Variants in CYSTM1 observed in about 807,000 individuals in gnomAD.
CYSTM1 encodes the protein cysteine-rich transmembrane module-containing protein 1.
Under a neutral mutation model 13.1 loss-of-function variants are expected in CYSTM1, and 4 were observed. The ratio of observed to expected loss-of-function variants is 0.31; its 90% CI spans 0.15 to 0.70. The LOEUF is 0.70. Among genes scored for constraint, CYSTM1 ranks in the 30% least tolerant of loss-of-function variants. The probability of loss-of-function intolerance (pLI) is 0.72; values close to 1 mark genes in which losing one functional copy is unlikely to be tolerated. For synonymous variants in CYSTM1, 36 were observed against 42.7 expected (o/e 0.84, Z 0.62); for missense variants, 96 against 121.6 (o/e 0.79, Z 0.99).
intron 1 of CYSTM1, among the ~76,000 whole-genome samples, chr5:140,182,405 CAAG>C (rs1480685614): frequency 1.3e-5 from 2 of 152,128 alleles, no homozygotes; most frequent in African/African-American, 4.8e-5. Context: ...TAGGAGGTAA[CAAG>C]AGGTAAATGC....
At chr5:140,195,612 T>G (rs957266180) in intron 2 of CYSTM1, among the ~76,000 whole-genome samples, 6 of 151,688 alleles carry the variant, frequency 4.0e-5, no homozygotes, top group African/African-American at 1.4e-4. Flanking sequence ...CGGCTAATTT[T>G]TTGTATTTTT....
At chr5:140,203,697 A>G (rs1437174411) in intron 2 of CYSTM1, among the ~76,000 whole-genome samples, 31 of 152,328 alleles carry the variant, frequency 2.0e-4, no homozygotes, top group Non-Finnish European at 2.9e-5. Context: ...CATTTTAAGG[A>G]TACTCCTGTG....
chr5:140,205,066 C>CA (rs1764281294), intron 2 of CYSTM1, among the ~76,000 whole-genome samples: 1 of 152,196 alleles, frequency 6.6e-6, no homozygotes, highest in South Asian at 2.1e-4. Flanking sequence ...TCAAAAGCCT[C>CA]ATGGGCCTTT....
At position 140,177,063 on chromosome 5, in the gene CYSTM1, T is replaced by G. The variant is rs71592119; in HGVS notation, c.-21+1778T>G. 2.6e-4 allele frequency among the ~76,000 whole-genome samples: 27 copies of G among 104,638 alleles called. No homozygotes were observed. In the Admixed American group the frequency reaches 2.6e-3, roughly 10 times the overall value. 68.6% of individuals were successfully genotyped at this position (104,638 alleles called of 152,430 possible). A position where few individuals can be genotyped will look rare whatever the true frequency, so the allele number is the denominator to read the frequency against. On this transcript the variant is annotated intron_variant, in intron 1 of 2. Coordinates refer to ENST00000261811, the MANE Select transcript of CYSTM1 (RefSeq NM_032412.4). The stretch of plus-strand genomic sequence containing the variant: ...CAGCCTGGGCGACAGAGCGAGACTC[T>G]GTCTCAAAAAAAAAAAAAAAAAAAT...
intron 2 of CYSTM1, among the ~76,000 whole-genome samples, chr5:140,196,615 G>C (rs1156963800): frequency 6.6e-6 from 1 of 152,206 alleles, no homozygotes; most frequent in African/African-American, 2.4e-5. Flanking sequence ...TCGGAAGAGG[G>C]CAGGAAGTAT....
intron 2 of CYSTM1, among the ~76,000 whole-genome samples, chr5:140,205,624 C>G (rs577762718): frequency 6.6e-6 from 1 of 152,230 alleles, no homozygotes; most frequent in East Asian, 1.9e-4. Flanking sequence ...GCCTTCTTGT[C>G]TGTAGAGCTG....
At chr5:140,203,701 TC>T (rs1764257296) in intron 2 of CYSTM1, among the ~76,000 whole-genome samples, 1 of 152,226 alleles carries the variant, frequency 6.6e-6, no homozygotes, top group Non-Finnish European at 1.5e-5. Context: ...TTAAGGATAC[TC>T]CTGTGAATTG....
intron 1 of CYSTM1, among the ~76,000 whole-genome samples, chr5:140,177,931 A>G (rs1197874876): frequency 2.0e-5 from 3 of 152,212 alleles, no homozygotes; most frequent in Non-Finnish European, 2.9e-5. Flanking sequence ...CAAAATAACT[A>G]TGTGCTGTCA....
At chr5:140,226,562 TAA>T in intron 2 of CYSTM1, among the ~76,000 whole-genome samples, 1 of 110,720 alleles carries the variant, frequency 9.0e-6, no homozygotes, top group African/African-American at 3.5e-5. Context: ...ATATATAATA[TAA>T]ATATATATTA....
chr5:140,197,579 A>G (rs1764172839), intron 2 of CYSTM1, among the ~76,000 whole-genome samples: 1 of 152,216 alleles, frequency 6.6e-6, no homozygotes, highest in South Asian at 2.1e-4. Context: ...TCACTGAGTG[A>G]TGAACCCTTT....
At chr5:140,211,587 GT>G (rs1434042983) in intron 2 of CYSTM1, among the ~76,000 whole-genome samples, 1 of 152,164 alleles carries the variant, frequency 6.6e-6, no homozygotes. Context: ...CCATGCATGA[GT>G]AAAAATTGTT....
At chr5:140,215,670 G>A (rs1051111229) in intron 2 of CYSTM1, among the ~76,000 whole-genome samples, 1 of 152,020 alleles carries the variant, frequency 6.6e-6, no homozygotes, top group African/African-American at 2.4e-5. Flanking sequence ...TGGTATAAAT[G>A]TTGTGATATA....
intron 2 of CYSTM1, among the ~76,000 whole-genome samples, chr5:140,232,199 G>T (rs1289516935): frequency 1.3e-5 from 2 of 152,166 alleles, no homozygotes; most frequent in African/African-American, 4.8e-5. Flanking sequence ...GGTTGAGAGA[G>T]AGAACAAACT....
At chr5:140,218,635 T>C (rs1764457795) in intron 2 of CYSTM1, among the ~76,000 whole-genome samples, 1 of 152,234 alleles carries the variant, frequency 6.6e-6, no homozygotes. Flanking sequence ...TTTTGCCCTA[T>C]GTTCCTTGGT....
intron 2 of CYSTM1, among the ~76,000 whole-genome samples, chr5:140,236,911 C>T (rs1764686885): frequency 6.6e-6 from 1 of 152,228 alleles, no homozygotes; most frequent in African/African-American, 2.4e-5. Flanking sequence ...GTAACATGGT[C>T]TTTACTGGAA....
rs541805621 is a variant in CYSTM1, at chr5:140,176,675, T to C, written c.-21+1390T>C. Among the ~76,000 whole-genome samples, 24 of 152,260 alleles carry C rather than the reference T, an allele frequency of 1.6e-4. No individual in the cohort carries two copies. The East Asian group carries it at 1.7e-3, about 11-fold the overall frequency. ...CCCAAATGACTGGTAAGAGATTTAA[T>C]AGGGGGAAGTTATTAAAGGAGAACC... On this transcript the variant is annotated intron_variant, in intron 1 of 2. Coordinates refer to ENST00000261811, the MANE Select transcript of CYSTM1 (RefSeq NM_032412.4).
chr5:140,194,036 T>G (rs973196898), intron 1 of CYSTM1, among the ~76,000 whole-genome samples: 2 of 152,228 alleles, frequency 1.3e-5, no homozygotes, highest in African/African-American at 2.4e-5. Flanking sequence ...ATGAGACTCA[T>G]AGTGCTGTTA....
intron 2 of CYSTM1, among the ~76,000 whole-genome samples, chr5:140,198,214 G>A (rs1429364013): frequency 1.3e-5 from 2 of 152,154 alleles, no homozygotes; most frequent in African/African-American, 4.8e-5. Context: ...TTATAGGAGT[G>A]GAATCTGAGA....
At chr5:140,187,302 TAA>T (rs75475608) in intron 1 of CYSTM1, among the ~76,000 whole-genome samples, 87 of 140,694 alleles carry the variant, frequency 6.2e-4, no homozygotes, top group Admixed American at 8.5e-4. Flanking sequence ...AATGGGGAGT[TAA>T]AAAAAAAAAA....
Sources: allele counts gnomAD v4.1 joint callset (sites outside exome capture counted in the v4.1 genomes callset), GRCh38; gene constraint gnomAD v4.1.1; transcripts MANE v1.5; gene names NCBI Gene and HGNC (gene_info 2026-07-23, HGNC 2026-07-21).